NAV1: variants seen among roughly 807,000 people sequenced by gnomAD.
The protein encoded by NAV1 is pore membrane and/or filament interacting like protein 3.
A neutral mutation model predicts 175.2 loss-of-function variants in NAV1; 18 were observed. That is an observed-to-expected ratio of 0.10 (90% confidence interval 0.07 to 0.15). The LOEUF (loss-of-function observed/expected upper bound fraction) is 0.15. NAV1 is among the 10% of genes least tolerant of loss of function. NAV1 has a pLI of 1.00. For synonymous variants in NAV1, 897 were observed against 978.7 expected (o/e 0.92, Z 1.56); for missense variants, 1,731 against 2,436.6 (o/e 0.71, Z 6.10).
chr1:201,794,161 CT>C (rs1239790394), intron 14 of NAV1: 2 of 656,504 alleles, frequency 3.0e-6, no homozygotes, highest in Non-Finnish European at 2.8e-6. Context: ...ACGCTGTTTT[CT>C]TTTTTTGAGA....
chr1:201,603,833 G>C (rs960628001), intron 2 of NAV1, among the ~76,000 whole-genome samples: 6 of 152,192 alleles, frequency 3.9e-5, no homozygotes, highest in Admixed American at 3.9e-4. Context: ...ATGGAAGCCA[G>C]GTCTTTGGGC....
At position 201,787,100 on chromosome 1, in the gene NAV1, C is replaced by A. The variant is rs1309000846; in HGVS notation, c.2995+523C>A. On this transcript the variant is annotated intron_variant, in intron 9 of 29. Transcript: ENST00000367296. This position sits in a 1 kb window ranked among gnomAD's most constrained non-coding sequence, Gnocchi z 4.3. The stretch of plus-strand genomic sequence containing the variant: ...GAAGGCAGGGCTGACTCAGATGTGT[C>A]CTGGCCACCCCCTTCCTAAAGCCTA... Among the ~76,000 whole-genome samples, 1 of 152,208 alleles carries A rather than the reference C, an allele frequency of 6.6e-6. No individual in the cohort carries two copies. The highest frequency in any genetic ancestry group is 1.5e-5 in the Non-Finnish European group (1 of 68,044).
At chr1:201,733,141 G>A (rs1193118966) in intron 3 of NAV1, among the ~76,000 whole-genome samples, 1 of 151,504 alleles carries the variant, frequency 6.6e-6, no homozygotes, top group Non-Finnish European at 1.5e-5. Context: ...AGCATTTTTG[G>A]AGGCCAAGGC....
chr1:201,670,421 T>C (rs1436263178), intron 1 of NAV1, among the ~76,000 whole-genome samples: 1 of 139,654 alleles, frequency 7.2e-6, no homozygotes, highest in Non-Finnish European at 1.5e-5. Context: ...TAAGCTCATC[T>C]CAGCTGTACT....
At chr1:201,722,706 T>C (rs1672436907) in intron 3 of NAV1, among the ~76,000 whole-genome samples, 1 of 152,230 alleles carries the variant, frequency 6.6e-6, no homozygotes, top group Admixed American at 6.5e-5. Flanking sequence ...CATACCGTTT[T>C]CCACAATGGC....
intron 3 of NAV1, among the ~76,000 whole-genome samples, chr1:201,739,105 G>GT (rs1379378179): frequency 2.0e-5 from 3 of 152,138 alleles, no homozygotes; most frequent in Admixed American, 6.5e-5. Context: ...GGATCCCACT[G>GT]TTTTTTTCCT....
chr1:201,560,750 CTG>C (rs1421094871), intron 1 of NAV1, among the ~76,000 whole-genome samples: 4 of 152,228 alleles, frequency 2.6e-5, no homozygotes, highest in Non-Finnish European at 4.4e-5. Flanking sequence ...TTTTTATCTC[CTG>C]TCTCTGCAGA....
In NAV1 at chr1:201,718,888, G is replaced by T. The variant is rs1465686600; in HGVS notation, c.1226+133G>T. 6.9e-6 allele frequency: 8 copies of T among 1,162,738 alleles called. No homozygotes were observed. The highest frequency in any genetic ancestry group is 9.8e-6 in the Non-Finnish European group (8 of 816,676). The allele number at this position is 1,162,738 out of a possible 1,614,324, so 72.0% of individuals were successfully genotyped here. ...CTGCTATGAAAGTACACAAAAGTGT[G>T]CTGTGTACACTTTGTGATTGCCTCT... On this transcript the variant is annotated intron_variant, in intron 3 of 29. Coordinates refer to ENST00000367296, the Ensembl canonical transcript of NAV1. The surrounding 1 kb of genome is among the most constrained non-coding windows in gnomAD (Gnocchi z 4.8).
chr1:201,767,409 C>A (rs918807201), intron 3 of NAV1, among the ~76,000 whole-genome samples: 2 of 151,714 alleles, frequency 1.3e-5, no homozygotes, highest in South Asian at 4.2e-4. Context: ...CGAGATTGCG[C>A]CATTGCACTC....
chr1:201,658,781 A>T (rs553131645), intron 1 of NAV1, among the ~76,000 whole-genome samples: 393 of 152,292 alleles, frequency 2.6e-3, no homozygotes, highest in African/African-American at 8.6e-3. Flanking sequence ...CTCAAGTTTC[A>T]CATCTGTCTG....
intron 1 of NAV1, among the ~76,000 whole-genome samples, chr1:201,687,399 C>T (rs1008476516): frequency 2.0e-5 from 3 of 152,124 alleles, no homozygotes; most frequent in Non-Finnish European, 2.9e-5. Flanking sequence ...AGCTGAGGCC[C>T]CTCTGGAGAC....
At chr1:201,776,428 T>C (rs1329708801) in intron 3 of NAV1, among the ~76,000 whole-genome samples, 1 of 148,748 alleles carries the variant, frequency 6.7e-6, no homozygotes, top group Non-Finnish European at 1.5e-5. Flanking sequence ...GATGACGAGG[T>C]CAAGAGATCG....
intron 3 of NAV1, among the ~76,000 whole-genome samples, chr1:201,746,897 G>T (rs1180502129): frequency 6.6e-6 from 1 of 151,944 alleles, no homozygotes; most frequent in Non-Finnish European, 1.5e-5. Flanking sequence ...CCAGCTACTC[G>T]GGAGGCTGAG....
Position 201,736,735 on chromosome 1 carries a change from G to A in NAV1, c.1226+17980G>A, listed in dbSNP as rs1272097558. Among the ~76,000 whole-genome samples, 3 of 152,272 alleles carry A rather than the reference G, an allele frequency of 2.0e-5. No homozygotes were observed. The South Asian group carries it at 6.2e-4, about 32-fold the overall frequency. ...GAGAGTGCTGGCACGGGAGACAAAT[G>A]AGATCATGGCTCCTAAGGGCTTTTT... On this transcript the variant is annotated intron_variant, in intron 3 of 29. Coordinates refer to ENST00000367296, the Ensembl canonical transcript of NAV1.
At chr1:201,663,851 G>A (rs1192122457) in intron 1 of NAV1, among the ~76,000 whole-genome samples, 1 of 152,136 alleles carries the variant, frequency 6.6e-6, no homozygotes, top group Non-Finnish European at 1.5e-5. Context: ...ATCTAGCCCT[G>A]CTTCTGAGCC....
chr1:201,814,529 A>G (rs1316217342), intron 28 of NAV1, among the ~76,000 whole-genome samples: 3 of 152,294 alleles, frequency 2.0e-5, no homozygotes, highest in African/African-American at 7.2e-5. Flanking sequence ...TAATGGCTAG[A>G]CCCATGGGTC....
At chr1:201,687,922 T>C (rs1670747412) in intron 1 of NAV1, among the ~76,000 whole-genome samples, 1 of 152,224 alleles carries the variant, frequency 6.6e-6, no homozygotes, top group African/African-American at 2.4e-5. Context: ...TCCAGCAGTG[T>C]CATCCCAAAC....
At chr1:201,655,932 G>A (rs766304292) in intron 1 of NAV1, among the ~76,000 whole-genome samples, 5 of 152,310 alleles carry the variant, frequency 3.3e-5, no homozygotes, top group Admixed American at 2.0e-4. Context: ...GGAGAATGAG[G>A]ACCCATTGGG....
intron 2 of NAV1, among the ~76,000 whole-genome samples, chr1:201,600,076 G>A (rs1426687753): frequency 2.0e-5 from 3 of 152,128 alleles, no homozygotes; most frequent in Admixed American, 6.6e-5. Flanking sequence ...TCTGTGACTC[G>A]GGATACCTCA....
Sources: allele counts gnomAD v4.1 joint callset (sites outside exome capture counted in the v4.1 genomes callset), GRCh38; gene constraint gnomAD v4.1.1; non-coding constraint Gnocchi (gnomAD v3.1); transcripts MANE v1.5; gene names NCBI Gene and HGNC (gene_info 2026-07-23, HGNC 2026-07-21).